The following LURAP1L variants were observed in gnomAD, a reference collection of about 807,000 sequenced individuals.
LURAP1L encodes leucine rich adaptor protein 1 like.
A neutral mutation model predicts 13.8 loss-of-function variants in LURAP1L; 12 were observed. The observed-to-expected ratio is 0.87, with a 90% confidence interval of 0.56 to 1.41. The LOEUF is 1.41. Ranked by LOEUF, LURAP1L falls within the 40% of genes most tolerant of loss-of-function variation. The probability of loss-of-function intolerance (pLI) is 0.00; values close to 1 mark genes in which losing one functional copy is unlikely to be tolerated. For missense variants in LURAP1L, 375 were observed against 292.9 expected, an observed-to-expected ratio of 1.28 and a Z score of -2.04; for synonymous variants, 139 against 119.2, an observed-to-expected ratio of 1.17 and a Z score of -1.08.
At chr9:12,798,669 T>A (rs1460949316) in intron 1 of LURAP1L, among the ~76,000 whole-genome samples, 1 of 152,200 alleles carries the variant, frequency 6.6e-6, no homozygotes, top group Non-Finnish European at 1.5e-5. Context: ...TAATCTGTGG[T>A]AGGAGAGAAC....
In LURAP1L at chr9:12,807,094, A is replaced by AATATATATATATATATATATATATAT. The variant is rs71329889; in HGVS notation, c.313-14268_313-14267insATATATATATATATATATATATATAT. On this transcript the variant is annotated intron_variant, in intron 1 of 1. Transcript: ENST00000319264. ...CACGGCGAAGCCCTGTCTCTACTAAAATATATATATATATATATATATATT... is the reference window on the plus strand; with the variant it reads ...CACGGCGAAGCCCTGTCTCTACTAAAATATATATATATATATATATATATATATATATATATATATATATATATATT... 4.9e-4 allele frequency among the ~76,000 whole-genome samples: 57 copies of AATATATATATATATATATATATATAT among 116,098 alleles called. 1 individual carries two copies. Among genetic ancestry groups the AATATATATATATATATATATATATAT allele is most frequent in the Non-Finnish European group, 7.2e-4 (41 of 56,974 alleles). 76.2% of individuals were successfully genotyped at this position (116,098 alleles called of 152,430 possible).
At chr9:12,787,829 T>A (rs1819378765) in intron 1 of LURAP1L, among the ~76,000 whole-genome samples, 1 of 152,024 alleles carries the variant, frequency 6.6e-6, no homozygotes, top group African/African-American at 2.4e-5. Context: ...CATAGAAAGC[T>A]CAGCCAGACG....
intron 1 of LURAP1L, among the ~76,000 whole-genome samples, chr9:12,803,133 G>A (rs1411796126): frequency 6.6e-6 from 1 of 152,098 alleles, no homozygotes; most frequent in East Asian, 1.9e-4. Flanking sequence ...AGGATTATTG[G>A]GTAGGATAGA....
intron 1 of LURAP1L, among the ~76,000 whole-genome samples, chr9:12,803,093 ATTGC>A (rs1586883161): frequency 1.3e-5 from 2 of 152,138 alleles, no homozygotes; most frequent in African/African-American, 4.8e-5. Context: ...GCATATGTTT[ATTGC>A]TTTTCCATGT....
At chr9:12,797,697 G>T (rs1819527345) in intron 1 of LURAP1L, among the ~76,000 whole-genome samples, 1 of 151,812 alleles carries the variant, frequency 6.6e-6, no homozygotes, top group African/African-American at 2.4e-5. Context: ...AGTTCTCTAA[G>T]GATTTTATTT....
chr9:12,776,640 T>C (rs957530917), intron 1 of LURAP1L, among the ~76,000 whole-genome samples: 3 of 152,066 alleles, frequency 2.0e-5, no homozygotes, highest in Non-Finnish European at 4.4e-5. Flanking sequence ...CTACTCGTCC[T>C]TGATGTACTT....
chr9:12,775,372 T>A lies in LURAP1L; in HGVS notation c.-344T>A. On this transcript the variant is annotated 5_prime_UTR_variant, in exon 1 of 2. Coordinates refer to ENST00000319264, the MANE Select transcript of LURAP1L (RefSeq NM_203403.2). The stretch of plus-strand genomic sequence containing the variant: ...AAAACAGATTTAATTTCCCTCTCTT[T>A]TCTTTCACTACTTCCCCCTCTTTAT... The A allele has an allele frequency of 3.9e-6, 1 of 256,362 alleles. No individual in the cohort carries two copies. Among genetic ancestry groups the A allele is most frequent in the Non-Finnish European group, 7.3e-6 (1 of 137,844 alleles). The allele number at this position is 256,362 out of a possible 1,614,324, so 15.9% of individuals were successfully genotyped here.
rs1819154848 is a variant in LURAP1L, at chr9:12,775,468, GATCTTGATC to G, written c.-242_-234del. On this transcript the variant is annotated 5_prime_UTR_variant, in exon 1 of 2. It removes the in-frame stop codon of an upstream open reading frame in the 5' UTR. Coordinates refer to ENST00000319264, the MANE Select transcript of LURAP1L (RefSeq NM_203403.2). ...TGGCCAAAAAGAGAGAGAATGAGGAGATCTTGATCATCTTAGTGTCGGAGGAGTCGCAGC... is the reference window on the plus strand; with the variant it reads ...TGGCCAAAAAGAGAGAGAATGAGGAGATCTTAGTGTCGGAGGAGTCGCAGC... The G allele has an allele frequency of 2.1e-6, 1 of 474,830 alleles. No homozygotes were observed. The highest frequency in any genetic ancestry group is 2.0e-5 in the African/African-American group (1 of 49,450). 29.4% of individuals were successfully genotyped at this position (474,830 alleles called of 1,614,324 possible). A position where few individuals can be genotyped will look rare whatever the true frequency, so the allele number is the denominator to read the frequency against.
At chr9:12,796,006 C>A (rs1031652879) in intron 1 of LURAP1L, among the ~76,000 whole-genome samples, 9 of 152,012 alleles carry the variant, frequency 5.9e-5, no homozygotes, top group African/African-American at 1.9e-4. Context: ...TTCTTCCTAT[C>A]AGGTATAATT....
chr9:12,791,455 A>G (rs1411940315), intron 1 of LURAP1L, among the ~76,000 whole-genome samples: 1 of 151,984 alleles, frequency 6.6e-6, no homozygotes, highest in Non-Finnish European at 1.5e-5. Context: ...TAATCTCAGT[A>G]TTTTTTATTT....
chr9:12,791,171 G>A (rs932369950), intron 1 of LURAP1L, among the ~76,000 whole-genome samples: 4 of 152,116 alleles, frequency 2.6e-5, no homozygotes, highest in African/African-American at 4.8e-5. Context: ...TGAATGGAAT[G>A]AGGAAGAGTA....
chr9:12,799,608 TG>T (rs1185175397), intron 1 of LURAP1L, among the ~76,000 whole-genome samples: 1 of 152,076 alleles, frequency 6.6e-6, no homozygotes, highest in African/African-American at 2.4e-5. Flanking sequence ...AGGCCGGGTG[TG>T]GTGGCTCACG....
chr9:12,806,075 A>G (rs1168216955), intron 1 of LURAP1L, among the ~76,000 whole-genome samples: 1 of 152,230 alleles, frequency 6.6e-6, no homozygotes, highest in Admixed American at 6.5e-5. Context: ...AACTAGCTCT[A>G]GCAGGTGAAC....
At chr9:12,813,237 A>C (rs575830844) in intron 1 of LURAP1L, among the ~76,000 whole-genome samples, 4 of 152,194 alleles carry the variant, frequency 2.6e-5, no homozygotes, top group Non-Finnish European at 5.9e-5. Flanking sequence ...CATTATTAAA[A>C]TTTAAAGTAT....
chr9:12,813,305 T>G (rs1263652522), intron 1 of LURAP1L, among the ~76,000 whole-genome samples: 1 of 152,180 alleles, frequency 6.6e-6, no homozygotes, highest in Non-Finnish European at 1.5e-5. Flanking sequence ...ACAAAGGTAA[T>G]AAATACTCAA....
At chr9:12,791,894 G>A (rs1418834275) in intron 1 of LURAP1L, among the ~76,000 whole-genome samples, 1 of 152,010 alleles carries the variant, frequency 6.6e-6, no homozygotes, top group Non-Finnish European at 1.5e-5. Context: ...AATGACTTAT[G>A]TCACTTTATT....
intron 1 of LURAP1L, chr9:12,814,347 G>T (rs746412729): frequency 6.6e-6 from 1 of 152,168 alleles, no homozygotes; most frequent in Admixed American, 6.5e-5. Flanking sequence ...AAACTTCTCT[G>T]CTGTGAATAT....
chr9:12,789,937 T>A (rs1586878005), intron 1 of LURAP1L, among the ~76,000 whole-genome samples: 1 of 152,204 alleles, frequency 6.6e-6, no homozygotes. Flanking sequence ...AATTTTTTAA[T>A]TGTGACGACA....
chr9:12,778,443 A>G (rs1173321458), intron 1 of LURAP1L, among the ~76,000 whole-genome samples: 1 of 152,224 alleles, frequency 6.6e-6, no homozygotes, highest in East Asian at 1.9e-4. Context: ...GTGAAATAAT[A>G]TAAGAAAAAC....
Sources: allele counts gnomAD v4.1 joint callset (sites outside exome capture counted in the v4.1 genomes callset), GRCh38; gene constraint gnomAD v4.1.1; transcripts MANE v1.5; gene names NCBI Gene and HGNC (gene_info 2026-07-23, HGNC 2026-07-21).